Variants in PCSK4 observed in about 807,000 individuals in gnomAD.
PCSK4 encodes testicular tissue protein Li 135.
In PCSK4, 64 loss-of-function variants were observed where a neutral mutation model predicts 80.3. That is an observed-to-expected ratio of 0.80 (90% CI 0.65 to 0.98). The LOEUF (loss-of-function observed/expected upper bound fraction) is 0.98. Ranked by LOEUF, PCSK4 falls within the 50% of genes least tolerant of loss-of-function variation. The pLI is 0.00. For synonymous variants in PCSK4, 561 were observed against 487.6 expected (o/e 1.15, Z -1.98); for missense variants, 1,213 against 1,093.6 (o/e 1.11, Z -1.54).
At position 1,484,258 on chromosome 19, in the gene PCSK4, C is replaced by CGGGCGTGTTGTCTGAGGT. The variant is rs1480909488; in HGVS notation, c.1069-149_1069-132dup. 5 of 580,102 alleles carry CGGGCGTGTTGTCTGAGGT rather than the reference C, an allele frequency of 8.6e-6. No individual in the cohort carries two copies. In the Admixed American group the frequency reaches 1.3e-4, roughly 15 times the overall value. The allele number at this position is 580,102 out of a possible 1,614,324, so 35.9% of individuals were successfully genotyped here. On this transcript the variant is annotated intron_variant, in intron 8 of 14. Transcript: ENST00000300954. ...ATCCCAGCACTTTGGGAGGCTGAGGCGGGCGTGTTGTCTGAGGTCAGGAGT... is the reference window on the plus strand; with the variant it reads ...ATCCCAGCACTTTGGGAGGCTGAGGCGGGCGTGTTGTCTGAGGTGGGCGTGTTGTCTGAGGTCAGGAGT...
chr19:1,489,770 GT>G (rs2084841666), intron 2 of PCSK4, 22 bp downstream of exon 2: 2 of 1,594,900 alleles, frequency 1.3e-6, no homozygotes, highest in Admixed American at 1.7e-5. Context: ...CGGGCAGGGG[GT>G]TGGCCTCCAG....
At chr19:1,484,056 GGCC>G (rs1568210069) in exon 9 of PCSK4, 1 of 1,559,288 alleles carries the variant, frequency 6.4e-7, no homozygotes, top group East Asian at 2.4e-5. Flanking sequence ...CGATCATGCC[GGCC>G]GCCAGTGGGG....
At chr19:1,490,050 G>A (rs927524514) in intron 1 of PCSK4, 108 bp downstream of exon 1, 28 of 1,524,590 alleles carry the variant, frequency 1.8e-5, no homozygotes, top group East Asian at 2.5e-5. Context: ...GGTGGGCTGG[G>A]ACTCTTGATA....
intron 1 of PCSK4, 69 bp downstream of exon 1, chr19:1,490,089 C>G (rs1314395204): frequency 1.6e-5 from 25 of 1,579,092 alleles, no homozygotes; most frequent in Non-Finnish European, 2.6e-6. Context: ...CTCCCTCCCC[C>G]TTGTCGGGGT....
chr19:1,483,318 G>A (rs768839132), exon 12 of PCSK4: 4 of 1,608,504 alleles, frequency 2.5e-6, no homozygotes, highest in Non-Finnish European at 3.4e-6. Context: ...GTGCCCATGG[G>A]GCTGGTGAGC....
Position 1,488,110 on chromosome 19 carries a change from G to C in PCSK4, c.388-18C>G. Reference sequence around the variant, plus strand: ...TCGCTGTTCTGCAGGGGGAGGCGGGGTTGTGACCCTGTGAGGGCCTGGAGT... The same window carrying C: ...TCGCTGTTCTGCAGGGGGAGGCGGGCTTGTGACCCTGTGAGGGCCTGGAGT... On this transcript the variant is annotated intron_variant, in intron 3 of 14. Transcript: ENST00000300954. 1.2e-6 allele frequency: 2 copies of C among 1,612,848 alleles called. No homozygotes were observed. The highest frequency in any genetic ancestry group is 1.7e-6 in the Non-Finnish European group (2 of 1,179,634).
At chr19:1,489,818 C>T (rs12972390) in exon 2 of PCSK4, 50,770 of 1,610,356 alleles carry the variant, frequency 0.032, 981 homozygotes, top group Non-Finnish European at 0.037. Context: ...CAGGTGCAGG[C>T]GGTGGCCCCA....
At chr19:1,485,833 T>C (rs1305742095) in intron 8 of PCSK4, among the ~76,000 whole-genome samples, 1 of 151,794 alleles carries the variant, frequency 6.6e-6, no homozygotes, top group East Asian at 2.0e-4. Context: ...ATCGCGCCAC[T>C]GCACTCCAGC....
At chr19:1,486,916 G>A (rs146576658) in exon 8 of PCSK4, 92 of 1,603,590 alleles carry the variant, frequency 5.7e-5, no homozygotes, top group Admixed American at 8.3e-5. Flanking sequence ...CGCAGGCTTC[G>A]CTGTACCAGG....
chr19:1,490,429 C>T, upstream of PCSK4: 1 of 578,324 alleles, frequency 1.7e-6, no homozygotes, highest in Non-Finnish European at 2.9e-6. Context: ...CGACCCGCCC[C>T]CGGCGCCATA....
In PCSK4 at chr19:1,489,892, G is replaced by A. The variant is rs751794574; in HGVS notation, c.195C>T (p.Phe65=). The A allele has an allele frequency of 1.4e-5, 22 of 1,607,212 alleles. No homozygotes were observed. The East Asian group carries it at 4.5e-4, about 33-fold the overall frequency. ...GCAGGTGAAAGTACTGCCCGTCAGG[G>A]AAGATCTGGGGATGTGGGGAAGCGG... Residue 65 remains phenylalanine, a synonymous_variant, in exon 2 of 15, where the codon TTC becomes TTT. Coordinates refer to ENST00000300954, the Ensembl canonical transcript of PCSK4.
chr19:1,487,372 C>G (rs1258709163), intron 6 of PCSK4, 59 bp from the exon 7 acceptor site: 1 of 1,394,274 alleles, frequency 7.2e-7, no homozygotes, highest in Admixed American at 2.0e-5. Flanking sequence ...CACACCCCAG[C>G]CCGCCCCGCG....
At chr19:1,490,054 C>T in intron 1 of PCSK4, 104 bp downstream of exon 1, 1 of 1,527,580 alleles carries the variant, frequency 6.5e-7, no homozygotes, top group Non-Finnish European at 8.8e-7. Context: ...GGCTGGGACT[C>T]TTGATATTTA....
chr19:1,488,570 C>T (rs2084765584), intron 2 of PCSK4, among the ~76,000 whole-genome samples: 1 of 151,870 alleles, frequency 6.6e-6, no homozygotes, highest in African/African-American at 2.4e-5. Flanking sequence ...CTCTCTCCTG[C>T]ATCACTTCCT....
chr19:1,486,766 G>T, intron 8 of PCSK4, 87 bp downstream of exon 8: 7 of 1,141,152 alleles, frequency 6.1e-6, no homozygotes, highest in Non-Finnish European at 8.9e-6. Context: ...TTGGGAGGGT[G>T]CTAAGTCACA....
exon 15 of PCSK4, chr19:1,481,806 T>G (rs751152546): frequency 9.2e-6 from 14 of 1,525,634 alleles, no homozygotes; most frequent in Non-Finnish European, 1.2e-5. Flanking sequence ...GGGGTGGCCC[T>G]GGCACGGGAG....
At chr19:1,488,166 C>T (rs1190410717) in intron 3 of PCSK4, 22 bp downstream of exon 3, 6 of 1,613,400 alleles carry the variant, frequency 3.7e-6, no homozygotes, top group Middle Eastern at 1.7e-4. Flanking sequence ...TCCCCGTCTA[C>T]CCACCCTGGC....
At chr19:1,481,705 C>G in exon 15 of PCSK4, 2 of 1,256,878 alleles carry the variant, frequency 1.6e-6, no homozygotes, top group Middle Eastern at 5.3e-4. Flanking sequence ...AGCATGGCAG[C>G]AGTGCCTGTC....
rs4807119 is a variant in PCSK4 at position 1,487,084 on chromosome 19, C to T, written c.856-19G>A. 0.23 allele frequency: 365,133 copies of T among 1,600,626 alleles called. 42,825 individuals are homozygous for T. Among genetic ancestry groups the T allele is most frequent in the Admixed American group, 0.31 (18,337 of 59,578 alleles). ...CGCGGCCCTGGGAAACCAGGAGGGG[C>T]GGGGAGGGGGCGTCGGCCTGGCCTG... On this transcript the variant is annotated intron_variant, in intron 7 of 14. Transcript: ENST00000300954.
Sources: gnomAD v4.1 joint callset for allele counts (sites outside exome capture counted in the v4.1 genomes callset) on GRCh38, gnomAD v4.1.1 for gene constraint, MANE v1.5 for transcripts, NCBI Gene and HGNC (gene_info 2026-07-23, HGNC 2026-07-21) for gene names.